The following MAPRE2 variants were observed in gnomAD, a reference collection of about 807,000 sequenced individuals.
MAPRE2 encodes microtubule-associated protein RP/EB family member 2.
In MAPRE2, 13 loss-of-function variants were observed where a neutral mutation model predicts 43.2. The ratio of observed to expected loss-of-function variants is 0.30; its 90% confidence interval spans 0.20 to 0.48. The LOEUF is 0.48. MAPRE2 is among the 20% of genes least tolerant of loss of function. The pLI, the probability that MAPRE2 is intolerant of heterozygous loss-of-function variation, is 0.99. For missense variants in MAPRE2, 161 were observed against 400.2 expected (o/e 0.40, Z 5.10); for synonymous variants, 135 against 148.8 (o/e 0.91, Z 0.68).
At chr18:34,984,536 T>C (rs1283709787) in intron 1 of MAPRE2, 1 of 151,656 alleles carries the variant, frequency 6.6e-6, no homozygotes, top group Non-Finnish European at 1.5e-5. Flanking sequence ...GTAATTGTAT[T>C]TAATCCCATC....
chr18:35,070,207 G>T lies in MAPRE2; in HGVS notation c.135G>T (p.Ala45=), dbSNP rs748932103. 3.1e-6 allele frequency: 5 copies of T among 1,588,026 alleles called. No homozygotes were observed. Among genetic ancestry groups the T allele is most frequent in the African/African-American group, 1.4e-5 (1 of 73,376 alleles). Residue 45 remains alanine, a synonymous_variant, in exon 2 of 7, where the codon GCG becomes GCT. Coordinates refer to ENST00000300249, the MANE Select transcript of MAPRE2 (RefSeq NM_014268.4). ...GTTTTTTTTCTAGTTGGGGAATGGC[G>T]GTCAATGTGTATTCTACCTCGATAA... ...RGERSYSWGM[A]VNVYSTSITQ...
intron 2 of MAPRE2, among the ~76,000 whole-genome samples, chr18:35,017,047 T>C (rs768077754): frequency 6.6e-6 from 1 of 152,008 alleles, no homozygotes; most frequent in Non-Finnish European, 1.5e-5. Context: ...GTATCATTTA[T>C]TGAATAGGAA....
At chr18:35,069,586 T>G (rs1907007778) in intron 1 of MAPRE2, among the ~76,000 whole-genome samples, 1 of 152,164 alleles carries the variant, frequency 6.6e-6, no homozygotes, top group Non-Finnish European at 1.5e-5. Flanking sequence ...TGGTTTGTTA[T>G]TCTCTTCTCT....
At chr18:35,115,143 TC>T (rs974704672) in intron 4 of MAPRE2, among the ~76,000 whole-genome samples, 6 of 152,272 alleles carry the variant, frequency 3.9e-5, no homozygotes, top group Middle Eastern at 3.4e-3. Flanking sequence ...CAATCATTGT[TC>T]CCCCATTGCC....
chr18:35,117,243 A>C (rs28513793), intron 4 of MAPRE2, among the ~76,000 whole-genome samples: 4,279 of 152,306 alleles, frequency 0.028, 198 homozygotes, highest in African/African-American at 0.097. Flanking sequence ...GAGCCTGGTG[A>C]GCATGGGGCT....
At chr18:35,132,362 G>T (rs1910196278) in intron 6 of MAPRE2, among the ~76,000 whole-genome samples, 172 bp downstream of exon 6, 1 of 152,188 alleles carries the variant, frequency 6.6e-6, no homozygotes, top group Non-Finnish European at 1.5e-5. Context: ...ATGATCTATT[G>T]ACCCATGCCT....
In MAPRE2 at chr18:34,985,261, A is replaced by ATATATTATATAATATTATATATTATATAT. The variant is rs1568961380; in HGVS notation, c.-70+8197_-70+8198insTATATATTATATATTATATTATATAATAT. 1.1e-3 allele frequency among the ~76,000 whole-genome samples: 53 copies of ATATATTATATAATATTATATATTATATAT among 49,622 alleles called. 4 individuals are homozygous for ATATATTATATAATATTATATATTATATAT. Among genetic ancestry groups the ATATATTATATAATATTATATATTATATAT allele is most frequent in the Non-Finnish European group, 1.2e-3 (35 of 29,642 alleles). 32.6% of individuals were successfully genotyped at this position (49,622 alleles called of 152,430 possible). A position where few individuals can be genotyped will look rare whatever the true frequency, so the allele number is the denominator to read the frequency against. On this transcript the variant is annotated intron_variant, in intron 1 of 7. Transcript: ENST00000413393. The stretch of plus-strand genomic sequence containing the variant: ...TATATAATATAAAATATATAATATA[A>ATATATTATATAATATTATATATTATATAT]TATATTATATAATATAATATATTAT...
intron 4 of MAPRE2, among the ~76,000 whole-genome samples, chr18:35,109,046 C>T (rs565207854): frequency 6.6e-6 from 1 of 152,230 alleles, no homozygotes; most frequent in South Asian, 2.1e-4. Context: ...GTAGTCTTTG[C>T]CCATGCCTAT....
At chr18:35,061,067 G>A (rs1452676963) in intron 1 of MAPRE2, among the ~76,000 whole-genome samples, 2 of 144,782 alleles carry the variant, frequency 1.4e-5, no homozygotes, top group African/African-American at 5.1e-5. Context: ...TCTCTTGGAG[G>A]TGGCAGTTAT....
chr18:35,135,012 C>T (rs570127494), intron 6 of MAPRE2, among the ~76,000 whole-genome samples: 2 of 152,178 alleles, frequency 1.3e-5, no homozygotes, highest in Non-Finnish European at 2.9e-5. Context: ...AGTAACCAGG[C>T]AGTTGAATCT....
At chr18:35,024,487 G>T (rs1474571047) in intron 2 of MAPRE2, among the ~76,000 whole-genome samples, 1 of 151,972 alleles carries the variant, frequency 6.6e-6, no homozygotes, top group African/African-American at 2.4e-5. Context: ...TTATGCAAAT[G>T]AACCTATTTC....
In MAPRE2 at chr18:35,118,208, C is replaced by T. The variant is rs552405299; in HGVS notation, c.611-8740C>T. 3.5e-4 allele frequency among the ~76,000 whole-genome samples: 54 copies of T among 152,262 alleles called. No homozygotes were observed. The South Asian group carries it at 0.011, about 30-fold the overall frequency. On this transcript the variant is annotated intron_variant, in intron 4 of 6. Coordinates refer to ENST00000300249, the MANE Select transcript of MAPRE2 (RefSeq NM_014268.4). ...TGCTGACCACTCTGTGCCACAGCAG[C>T]CATGCCCTCGGCAGGCCCCTGACCT...
intron 4 of MAPRE2, among the ~76,000 whole-genome samples, chr18:35,114,799 T>C (rs913189703): frequency 5.9e-5 from 9 of 152,188 alleles, no homozygotes; most frequent in South Asian, 2.1e-4. Context: ...ATATAGCTGT[T>C]CCTGATATGT....
At chr18:35,016,922 T>A (rs992220036) in intron 2 of MAPRE2, among the ~76,000 whole-genome samples, 1 of 152,014 alleles carries the variant, frequency 6.6e-6, no homozygotes, top group East Asian at 1.9e-4. Flanking sequence ...TTTTCTAGGA[T>A]TCTTACAAAG....
chr18:35,006,012 T>G (rs182213843), intron 2 of MAPRE2, among the ~76,000 whole-genome samples: 1 of 152,216 alleles, frequency 6.6e-6, no homozygotes, highest in Non-Finnish European at 1.5e-5. Flanking sequence ...ATGACGAACC[T>G]GGAAAGCCTC....
intron 1 of MAPRE2, among the ~76,000 whole-genome samples, chr18:34,989,890 T>C (rs557737594): frequency 6.6e-6 from 1 of 152,156 alleles, no homozygotes; most frequent in Non-Finnish European, 1.5e-5. Context: ...GAAACATTGA[T>C]ATGGAAAGCC....
chr18:35,043,888 G>A (rs780323991), intron 1 of MAPRE2, among the ~76,000 whole-genome samples: 7 of 152,066 alleles, frequency 4.6e-5, no homozygotes, highest in African/African-American at 9.7e-5. Flanking sequence ...GAGGGGCATA[G>A]GAAAAGGAAA....
intron 1 of MAPRE2, chr18:34,978,327 G>A (rs1603385092): frequency 4.6e-6 from 3 of 652,788 alleles, no homozygotes; most frequent in South Asian, 3.6e-5. Context: ...TCAAACCCGC[G>A]CCCGCGCGCA....
chr18:35,043,367 G>A (rs1440261249), intron 1 of MAPRE2, among the ~76,000 whole-genome samples: 11 of 152,108 alleles, frequency 7.2e-5, no homozygotes, highest in Non-Finnish European at 1.6e-4. Context: ...GACAGAATTC[G>A]AATTTTACCC....
Sources: allele counts gnomAD v4.1 joint callset (sites outside exome capture counted in the v4.1 genomes callset), GRCh38; gene constraint gnomAD v4.1.1; transcripts MANE v1.5; gene names NCBI Gene and HGNC (gene_info 2026-07-23, HGNC 2026-07-21).